Variants in RIPOR2 observed in about 807,000 individuals in gnomAD.
RIPOR2 encodes the protein rho family-interacting cell polarization regulator 2.
In RIPOR2, 39 loss-of-function variants were observed where a neutral mutation model predicts 114.5. That is an observed-to-expected ratio of 0.34 (90% confidence interval 0.26 to 0.44). The LOEUF (loss-of-function observed/expected upper bound fraction) is 0.44, where lower values mean the gene tolerates loss of function less well. Among genes scored for constraint, RIPOR2 ranks in the 20% least tolerant of loss-of-function variants. RIPOR2 has a pLI of 1.00. For missense variants in RIPOR2, 1,007 were observed against 1,255.1 expected (o/e 0.80, Z 2.99); for synonymous variants, 445 against 484.4 (o/e 0.92, Z 1.07).
chr6:24,868,104 G>A (rs142178793), intron 6 of RIPOR2, among the ~76,000 whole-genome samples: 191 of 152,266 alleles, frequency 1.3e-3, no homozygotes, highest in African/African-American at 4.0e-3. Context: ...TTTCAGATTT[G>A]CCTAGGTAGT....
chr6:24,855,445 G>A (rs1386913505), intron 8 of RIPOR2, among the ~76,000 whole-genome samples: 2 of 151,950 alleles, frequency 1.3e-5, no homozygotes, highest in Non-Finnish European at 2.9e-5. Flanking sequence ...AATAGAGATT[G>A]AAGAAGACAC....
At position 25,005,740 on chromosome 6, in the gene RIPOR2, T is replaced by TATATATATATATAC. The variant is rs1491374316; in HGVS notation, c.76+36110_76+36111insGTATATATATATAT. On this transcript the variant is annotated intron_variant, in intron 1 of 13. Coordinates refer to the RIPOR2 transcript ENST00000510784. ...ATATATATATATATATATATATATA[T>TATATATATATATAC]ACATTTACCGATCAAAAGATATGCC... Among the ~76,000 whole-genome samples the TATATATATATATAC allele has an allele frequency of 4.2e-4, 44 of 104,512 alleles. 1 individual carries two copies. The highest frequency in any genetic ancestry group is 2.7e-3 in the East Asian group (7 of 2,608). 68.6% of individuals were successfully genotyped at this position (104,512 alleles called of 152,430 possible). A position where few individuals can be genotyped will look rare whatever the true frequency, so the allele number is the denominator to read the frequency against.
intron 1 of RIPOR2, among the ~76,000 whole-genome samples, chr6:24,901,988 A>G (rs1034491170): frequency 2.0e-5 from 3 of 152,212 alleles, no homozygotes; most frequent in Non-Finnish European, 4.4e-5. Flanking sequence ...CACTGGGACT[A>G]AAGTATCGTG....
At chr6:24,862,818 C>T (rs974381782) in intron 7 of RIPOR2, among the ~76,000 whole-genome samples, 4 of 151,720 alleles carry the variant, frequency 2.6e-5, no homozygotes, top group African/African-American at 9.7e-5. Flanking sequence ...CCCCACCACC[C>T]ACAGCCACTG....
chr6:25,035,842 C>T (rs1221167682), intron 1 of RIPOR2, among the ~76,000 whole-genome samples: 2 of 152,122 alleles, frequency 1.3e-5, no homozygotes, highest in East Asian at 3.9e-4. Flanking sequence ...ATCCCGGGCC[C>T]CTCTGTCTCC....
rs938451638 is a variant in RIPOR2 at position 24,805,149 on chromosome 6, T to C, written c.*1224A>G. The C allele has an allele frequency of 6.6e-6, 1 of 152,150 alleles. No homozygotes were observed. Among genetic ancestry groups the C allele is most frequent in the African/African-American group, 2.4e-5 (1 of 41,426 alleles). The allele number at this position is 152,150 out of a possible 1,614,324, so 9.4% of individuals were successfully genotyped here. Reference sequence around the variant, plus strand: ...TCCACCTCAAAGAGCATCACAGGTTTGTGAATCTACAGCTTTTGGTTTTGA... The same window carrying C: ...TCCACCTCAAAGAGCATCACAGGTTCGTGAATCTACAGCTTTTGGTTTTGA... On this transcript the variant is annotated 3_prime_UTR_variant, in exon 22 of 22. Coordinates refer to ENST00000643898, the MANE Select transcript of RIPOR2 (RefSeq NM_001286445.3).
At chr6:24,873,194 A>C (rs1171719987) in intron 3 of RIPOR2, among the ~76,000 whole-genome samples, 1 of 152,244 alleles carries the variant, frequency 6.6e-6, no homozygotes, top group African/African-American at 2.4e-5. Context: ...TCGAGAAAAG[A>C]AAAACCAGTG....
intron 1 of RIPOR2, among the ~76,000 whole-genome samples, chr6:24,903,985 C>T (rs1020309781): frequency 6.5e-4 from 99 of 152,228 alleles, no homozygotes; most frequent in African/African-American, 2.3e-3. Flanking sequence ...TTCTTGCTGC[C>T]TTCCTTACTG....
rs1328708881 is a variant in RIPOR2 at position 24,883,138 on chromosome 6, A to C, written c.62-7321T>G. On this transcript the variant is annotated intron_variant, in intron 1 of 21. Coordinates refer to ENST00000643898, the MANE Select transcript of RIPOR2 (RefSeq NM_001286445.3). This position sits in a 1 kb window ranked among gnomAD's most constrained non-coding sequence, Gnocchi z 4.1. ...TTTTCCTTTTTTAAAAATTTAACCA[A>C]ACCTTCTATCGAATTAAGAATACAA... Among the ~76,000 whole-genome samples, 1 of 152,220 alleles carries C rather than the reference A, an allele frequency of 6.6e-6. No individual in the cohort carries two copies. Among genetic ancestry groups the C allele is most frequent in the East Asian group, 1.9e-4 (1 of 5,204 alleles).
intron 1 of RIPOR2, among the ~76,000 whole-genome samples, chr6:25,013,891 C>T (rs1354763456): frequency 6.6e-6 from 1 of 152,150 alleles, no homozygotes; most frequent in Admixed American, 6.5e-5. Flanking sequence ...GCACTTTCTT[C>T]GTTGCCTTTT....
intron 1 of RIPOR2, among the ~76,000 whole-genome samples, chr6:24,935,014 GAGA>G (rs1330349689): frequency 1.3e-5 from 2 of 152,068 alleles, no homozygotes; most frequent in Non-Finnish European, 2.9e-5. Context: ...AAGAGTAAGA[GAGA>G]AGGACCCAGG....
At chr6:25,039,512 C>T (rs1777381835) in intron 1 of RIPOR2, among the ~76,000 whole-genome samples, 1 of 152,208 alleles carries the variant, frequency 6.6e-6, no homozygotes, top group Admixed American at 6.5e-5. Context: ...CATTCAACAT[C>T]TATTAATATA....
chr6:24,855,192 A>G (rs913285770), intron 8 of RIPOR2, among the ~76,000 whole-genome samples: 2 of 152,124 alleles, frequency 1.3e-5, no homozygotes, highest in Admixed American at 6.5e-5. Context: ...ATTTTTGTCA[A>G]TAAGTGGTAA....
At chr6:24,895,213 C>T (rs1305119795) in intron 1 of RIPOR2, among the ~76,000 whole-genome samples, 2 of 152,102 alleles carry the variant, frequency 1.3e-5, no homozygotes, top group African/African-American at 2.4e-5. Flanking sequence ...CCACCATGCC[C>T]GGCTAATTTT....
chr6:24,830,731 T>A, intron 16 of RIPOR2, 61 bp from the exon 17 acceptor site: 1 of 1,478,026 alleles, frequency 6.8e-7, no homozygotes, highest in Non-Finnish European at 9.1e-7. Context: ...ATTTTATTTT[T>A]TTGAGACAGA....
At position 24,932,544 on chromosome 6, in the gene RIPOR2, C is replaced by T. The variant is rs1263125302; in HGVS notation, c.61+3294G>A. 3.3e-5 allele frequency among the ~76,000 whole-genome samples: 5 copies of T among 152,112 alleles called. No individual in the cohort carries two copies. In the East Asian group the frequency reaches 9.6e-4, roughly 29 times the overall value. The stretch of plus-strand genomic sequence containing the variant: ...CTGTGAACCTTAACATTTCCTTTAA[C>T]CACAAAAAACAATTGCTGAAGCAAA... On this transcript the variant is annotated intron_variant, in intron 1 of 21. Transcript: ENST00000643898.
intron 1 of RIPOR2, among the ~76,000 whole-genome samples, chr6:24,981,001 C>A (rs982794548): frequency 1.3e-5 from 2 of 152,188 alleles, no homozygotes; most frequent in African/African-American, 4.8e-5. Flanking sequence ...ACTTTCTCCA[C>A]CTCTGTAGGA....
At chr6:25,005,216 C>T (rs1462024716) in intron 1 of RIPOR2, among the ~76,000 whole-genome samples, 1 of 152,172 alleles carries the variant, frequency 6.6e-6, no homozygotes, top group African/African-American at 2.4e-5. Context: ...TTGTGGTCAC[C>T]AGAGGTTGAA....
Position 24,805,698 on chromosome 6 carries a change from G to A in RIPOR2, c.*675C>T, listed in dbSNP as rs1166171217. 1 of 152,036 alleles carries A rather than the reference G, an allele frequency of 6.6e-6. No homozygotes were observed. Among genetic ancestry groups the A allele is most frequent in the Non-Finnish European group, 1.5e-5 (1 of 68,006 alleles). The allele number at this position is 152,036 out of a possible 1,614,324, so 9.4% of individuals were successfully genotyped here. ...CGAGAAAAACTGCAAGGCATATGAT[G>A]TTTGTCGAAGTATCACATGACTATT... On this transcript the variant is annotated 3_prime_UTR_variant, in exon 22 of 22. Coordinates refer to ENST00000643898, the MANE Select transcript of RIPOR2 (RefSeq NM_001286445.3).
Sources: gnomAD v4.1 joint callset for allele counts (sites outside exome capture counted in the v4.1 genomes callset) on GRCh38, gnomAD v4.1.1 for gene constraint, Gnocchi (gnomAD v3.1) non-coding constraint, MANE v1.5 for transcripts, NCBI Gene and HGNC (gene_info 2026-07-23, HGNC 2026-07-21) for gene names.